Variants in NCKAP5 observed in about 807,000 individuals in gnomAD.
NCKAP5 encodes NCK associated protein 5.
In NCKAP5, 92 loss-of-function variants were observed where a neutral mutation model predicts 167.0. That is an observed-to-expected ratio of 0.55 (90% CI 0.47 to 0.66). The LOEUF (loss-of-function observed/expected upper bound fraction) is 0.66. Among genes scored for constraint, NCKAP5 ranks in the 30% least tolerant of loss-of-function variants. NCKAP5 has a pLI of 0.00. For synonymous variants in NCKAP5, 891 were observed against 877.4 expected (o/e 1.02, Z -0.27); for missense variants, 2,378 against 2,315.0 (o/e 1.03, Z -0.56).
chr2:132,684,395 A>G (rs1319007768), intron 19 of NCKAP5, among the ~76,000 whole-genome samples: 1 of 152,228 alleles, frequency 6.6e-6, no homozygotes, highest in African/African-American at 2.4e-5. Flanking sequence ...TCTGTCAGGC[A>G]AGAAAGTTCA....
intron 6 of NCKAP5, among the ~76,000 whole-genome samples, chr2:133,115,817 A>AT (rs2082061298): frequency 1.3e-5 from 1 of 75,188 alleles, no homozygotes; most frequent in Non-Finnish European, 2.5e-5. Context: ...ATATATATAT[A>AT]GTGTTCACAC....
intron 6 of NCKAP5, among the ~76,000 whole-genome samples, chr2:133,028,823 T>A (rs75068705): frequency 6.6e-6 from 1 of 152,170 alleles, no homozygotes; most frequent in African/African-American, 2.4e-5. Context: ...TAGCATAATC[T>A]TCTTGGTGCT....
At chr2:133,486,919 C>T (rs770222364) in intron 3 of NCKAP5, among the ~76,000 whole-genome samples, 43 of 152,106 alleles carry the variant, frequency 2.8e-4, no homozygotes, top group Admixed American at 4.6e-4. Context: ...TGGCTGGGAC[C>T]TTCTTTGAGG....
At chr2:132,711,286 C>T (rs1688821407) in intron 19 of NCKAP5, among the ~76,000 whole-genome samples, 1 of 151,996 alleles carries the variant, frequency 6.6e-6, no homozygotes, top group South Asian at 2.1e-4. Flanking sequence ...GCCTTCCAGG[C>T]TTTGGTCACT....
intron 5 of NCKAP5, among the ~76,000 whole-genome samples, chr2:133,168,250 A>C (rs1422515206): frequency 6.7e-6 from 1 of 149,522 alleles, no homozygotes; most frequent in Non-Finnish European, 1.5e-5. Flanking sequence ...AATTTCACAT[A>C]CTTTCTAAGA....
chr2:133,426,079 G>A (rs1426455841), intron 3 of NCKAP5, among the ~76,000 whole-genome samples: 1 of 152,130 alleles, frequency 6.6e-6, no homozygotes, highest in Admixed American at 6.5e-5. Context: ...AGACCAGCCT[G>A]GCCAACATGG....
chr2:133,278,183 T>C (rs2089804442), intron 4 of NCKAP5, among the ~76,000 whole-genome samples: 1 of 152,226 alleles, frequency 6.6e-6, no homozygotes, highest in African/African-American at 2.4e-5. Flanking sequence ...TTTCTATGGC[T>C]GCTGTAACAA....
intron 7 of NCKAP5, 110 bp from the exon 8 acceptor site, chr2:132,963,979 T>G: frequency 1.6e-6 from 2 of 1,252,668 alleles, no homozygotes; most frequent in Non-Finnish European, 2.3e-6. Flanking sequence ...CTTCCGGGGC[T>G]GGGAGTTTGC....
chr2:132,949,630 TATCTTTTC>T (rs1377029456), intron 8 of NCKAP5, among the ~76,000 whole-genome samples: 1 of 152,168 alleles, frequency 6.6e-6, no homozygotes, highest in Non-Finnish European at 1.5e-5. Context: ...GAATAAGAAC[TATCTTTTC>T]AGTAGCCCTC....
the NCKAP5 span, among the ~76,000 whole-genome samples, chr2:133,616,690 C>A: frequency 2.0e-5 from 3 of 151,856 alleles, no homozygotes; most frequent in Non-Finnish European, 4.4e-5. Context: ...AGTCCAGGAC[C>A]AGATGGATTC....
intron 3 of NCKAP5, among the ~76,000 whole-genome samples, chr2:133,430,898 T>A (rs1485906449): frequency 1.3e-5 from 2 of 151,822 alleles, no homozygotes; most frequent in Non-Finnish European, 2.9e-5. Context: ...GAGGGAAGCC[T>A]ATTCTTCCTT....
intron 5 of NCKAP5, among the ~76,000 whole-genome samples, chr2:133,177,092 G>A (rs548095843): frequency 1.5e-3 from 226 of 151,426 alleles, no homozygotes; most frequent in Middle Eastern, 0.01. Context: ...TTATCCAGGC[G>A]GCAGATATTT....
chr2:133,210,142 G>A (rs2086140985), intron 5 of NCKAP5, among the ~76,000 whole-genome samples: 1 of 118,434 alleles, frequency 8.4e-6, no homozygotes, highest in African/African-American at 4.1e-5. Flanking sequence ...TCTAGTCTGG[G>A]CAACAAGAGT....
At chr2:133,566,231 C>A (rs974582527) in intron 1 of NCKAP5, among the ~76,000 whole-genome samples, 4 of 151,010 alleles carry the variant, frequency 2.6e-5, no homozygotes, top group Non-Finnish European at 5.9e-5. Context: ...GAAGGTTCCA[C>A]TGGAGAGAGG....
chr2:132,898,815 A>ATAT (rs1457287133), intron 8 of NCKAP5, among the ~76,000 whole-genome samples: 2 of 152,242 alleles, frequency 1.3e-5, no homozygotes, highest in Admixed American at 1.3e-4. Context: ...TGCTGTAAAC[A>ATAT]CATATGTTGT....
At chr2:132,861,977 G>GGAT (rs1689949608) in intron 10 of NCKAP5, among the ~76,000 whole-genome samples, 1 of 152,200 alleles carries the variant, frequency 6.6e-6, no homozygotes, top group Admixed American at 6.5e-5. Flanking sequence ...TTGCTAAAGG[G>GGAT]GATGATGATG....
At chr2:133,101,968 T>C (rs1477927023) in intron 6 of NCKAP5, among the ~76,000 whole-genome samples, 1 of 151,902 alleles carries the variant, frequency 6.6e-6, no homozygotes, top group Non-Finnish European at 1.5e-5. Flanking sequence ...CACTCCCAGA[T>C]TGTGAAAATT....
chr2:133,099,928 A>C (rs1224130045), intron 6 of NCKAP5, among the ~76,000 whole-genome samples: 1 of 152,252 alleles, frequency 6.6e-6, no homozygotes, highest in Non-Finnish European at 1.5e-5. Flanking sequence ...CTACAAAGTC[A>C]GAATGTCTGT....
At chr2:133,086,743 A>T (rs1272338236) in intron 6 of NCKAP5, among the ~76,000 whole-genome samples, 3 of 152,206 alleles carry the variant, frequency 2.0e-5, no homozygotes, top group Non-Finnish European at 4.4e-5. Flanking sequence ...ATAACAACAT[A>T]AGAAATAAAA....
Sources: allele counts gnomAD v4.1 joint callset (sites outside exome capture counted in the v4.1 genomes callset), GRCh38; gene constraint gnomAD v4.1.1; transcripts MANE v1.5; gene names NCBI Gene and HGNC (gene_info 2026-07-23, HGNC 2026-07-21).